The following KLHL8 variants were observed in gnomAD, a reference collection of about 807,000 sequenced individuals.
The protein encoded by KLHL8 is kelch like family member 8.
In KLHL8, 38 loss-of-function variants were observed where a neutral mutation model predicts 63.5. The ratio of observed to expected loss-of-function variants is 0.60; its 90% CI spans 0.46 to 0.78. The LOEUF (loss-of-function observed/expected upper bound fraction) is 0.78, where lower values mean the gene tolerates loss of function less well. Ranked by LOEUF, KLHL8 falls within the 30% of genes least tolerant of loss-of-function variation. The pLI, the probability that KLHL8 is intolerant of heterozygous loss-of-function variation, is 0.00. For missense variants in KLHL8, 566 were observed against 752.4 expected (o/e 0.75, Z 2.90); for synonymous variants, 224 against 254.3 (o/e 0.88, Z 1.13).
At chr4:87,185,123 T>C (rs1422788874) in intron 3 of KLHL8, 128 bp downstream of exon 3, 1 of 902,874 alleles carries the variant, frequency 1.1e-6, no homozygotes, top group Non-Finnish European at 1.6e-6. Context: ...AAAAGCCATT[T>C]CTATTATTTA....
intron 5 of KLHL8, among the ~76,000 whole-genome samples, chr4:87,177,358 T>C (rs1158842731): frequency 6.6e-6 from 1 of 151,792 alleles, no homozygotes; most frequent in African/African-American, 2.4e-5. Context: ...ATACAAAATA[T>C]TACCCGGGTG....
intron 1 of KLHL8, among the ~76,000 whole-genome samples, chr4:87,210,313 TA>T (rs912734180): frequency 3.9e-4 from 59 of 151,776 alleles, no homozygotes; most frequent in African/African-American, 1.4e-3. Flanking sequence ...CCGTCTCTAC[TA>T]AAAAAAACAC....
chr4:87,225,627 G>A (rs1732959547), intron 1 of KLHL8, among the ~76,000 whole-genome samples: 2 of 152,130 alleles, frequency 1.3e-5, no homozygotes, highest in South Asian at 4.1e-4. Flanking sequence ...AGGAGTAGGG[G>A]TGCAGCTCTG....
chr4:87,177,683 T>C (rs1730882678), intron 5 of KLHL8, among the ~76,000 whole-genome samples: 1 of 152,142 alleles, frequency 6.6e-6, no homozygotes, highest in African/African-American at 2.4e-5. Flanking sequence ...GACTGCTCAA[T>C]GCAGCCTCAA....
chr4:87,229,366 A>G (rs1010135943), intron 1 of KLHL8, among the ~76,000 whole-genome samples: 6 of 151,940 alleles, frequency 3.9e-5, no homozygotes, highest in African/African-American at 1.5e-4. Context: ...CATCAGCCCG[A>G]ATTTTTGAAA....
At chr4:87,211,687 G>A (rs1043417385) in intron 1 of KLHL8, among the ~76,000 whole-genome samples, 11 of 152,246 alleles carry the variant, frequency 7.2e-5, no homozygotes, top group Non-Finnish European at 1.0e-4. Context: ...AGCTACTTGA[G>A]CCTGGGAGAT....
At chr4:87,183,472 G>A in intron 3 of KLHL8, 83 bp from the exon 4 acceptor site, 1 of 1,088,846 alleles carries the variant, frequency 9.2e-7, no homozygotes, top group Non-Finnish European at 1.3e-6. Context: ...TCAAATAAAG[G>A]TGAAAACAAG....
intron 1 of KLHL8, among the ~76,000 whole-genome samples, chr4:87,215,936 T>C (rs1270198253): frequency 6.6e-6 from 1 of 152,196 alleles, no homozygotes; most frequent in Non-Finnish European, 1.5e-5. Context: ...ACAAGAAATA[T>C]CATACAACAG....
At chr4:87,227,610 A>AC (rs11438291) in intron 1 of KLHL8, among the ~76,000 whole-genome samples, 60,508 of 152,012 alleles carry the variant, frequency 0.4, 12,122 homozygotes, top group South Asian at 0.45. Context: ...TGATCATGCC[A>AC]TGCAGTCCAG....
At chr4:87,219,375 T>C (rs913862725) in intron 1 of KLHL8, 1 of 152,156 alleles carries the variant, frequency 6.6e-6, no homozygotes, top group Non-Finnish European at 1.5e-5. Flanking sequence ...TACCATCTTG[T>C]ATAGGAGAAA....
intron 1 of KLHL8, among the ~76,000 whole-genome samples, chr4:87,232,318 C>T (rs1345119554): frequency 1.3e-5 from 2 of 152,246 alleles, no homozygotes; most frequent in Middle Eastern, 3.4e-3. Context: ...TTTTCTTATT[C>T]TTATTGTATT....
chr4:87,237,093 G>A (rs1733244534), intron 1 of KLHL8, among the ~76,000 whole-genome samples: 1 of 152,142 alleles, frequency 6.6e-6, no homozygotes, highest in African/African-American at 2.4e-5. Flanking sequence ...TCCCAGAACT[G>A]GCCAGCAGCC....
intron 1 of KLHL8, among the ~76,000 whole-genome samples, chr4:87,198,101 C>T (rs1282202530): frequency 6.6e-6 from 1 of 151,544 alleles, no homozygotes; most frequent in African/African-American, 2.4e-5. Context: ...GGTGGCTCAC[C>T]TGAGGTCAGG....
intron 6 of KLHL8, among the ~76,000 whole-genome samples, chr4:87,175,924 T>C (rs1185197972): frequency 1.3e-5 from 2 of 152,148 alleles, no homozygotes; most frequent in African/African-American, 2.4e-5. Context: ...TCTTATTTAA[T>C]AGCAAAACAC....
chr4:87,164,964 C>T (rs189609024), intron 8 of KLHL8, among the ~76,000 whole-genome samples: 116 of 151,832 alleles, frequency 7.6e-4, no homozygotes, highest in Admixed American at 3.6e-3. Flanking sequence ...CTGGCTAACA[C>T]GGTGAAACCC....
intron 8 of KLHL8, chr4:87,166,695 G>A (rs1730412137): frequency 2.0e-5 from 3 of 152,202 alleles, no homozygotes; most frequent in South Asian, 4.1e-4. Context: ...AAGATCTCCA[G>A]ATTATTCATA....
chr4:87,191,836 C>A (rs1731504794), intron 2 of KLHL8, among the ~76,000 whole-genome samples: 1 of 150,634 alleles, frequency 6.6e-6, no homozygotes, highest in African/African-American at 2.4e-5. Flanking sequence ...ATATTTAGTT[C>A]CCACTTACAA....
intron 6 of KLHL8, among the ~76,000 whole-genome samples, chr4:87,176,180 T>C (rs1578365813): frequency 6.6e-6 from 1 of 152,338 alleles, no homozygotes; most frequent in African/African-American, 2.4e-5. Context: ...GCAGGGTAGG[T>C]GGCAAGGTTT....
At chr4:87,191,875 CTTCT>C (rs1036627751) in intron 2 of KLHL8, among the ~76,000 whole-genome samples, 4 of 151,238 alleles carry the variant, frequency 2.6e-5, no homozygotes, top group East Asian at 1.9e-4. Flanking sequence ...TGGTTTTCTG[CTTCT>C]TTATTAGTTC....
Sources: gnomAD v4.1 joint callset for allele counts (sites outside exome capture counted in the v4.1 genomes callset) on GRCh38, gnomAD v4.1.1 for gene constraint, MANE v1.5 for transcripts, NCBI Gene and HGNC (gene_info 2026-07-23, HGNC 2026-07-21) for gene names.